EXOSC10: variants seen among roughly 807,000 people sequenced by gnomAD.
EXOSC10 encodes the protein exosome component 10.
A neutral mutation model predicts 126.6 loss-of-function variants in EXOSC10; 94 were observed. The ratio of observed to expected loss-of-function variants is 0.74; its 90% CI spans 0.63 to 0.88. The LOEUF is 0.88. EXOSC10 is among the 40% of genes least tolerant of loss of function. The pLI is 0.00. For synonymous variants in EXOSC10, 395 were observed against 400.8 expected (o/e 0.99, Z 0.17); for missense variants, 1,041 against 1,100.5 (o/e 0.95, Z 0.77).
intron 10 of EXOSC10, among the ~76,000 whole-genome samples, chr1:11,082,332 C>T (rs1640216170): frequency 6.6e-6 from 1 of 152,030 alleles, no homozygotes; most frequent in Non-Finnish European, 1.5e-5. Context: ...ATCTTGCACA[C>T]ACACACACAC....
At position 11,082,811 on chromosome 1, in the gene EXOSC10, A is replaced by T; in HGVS notation, c.1157T>A (p.Met386Lys). Residue 386 changes from methionine (M) to lysine (K), a missense_variant, in exon 10 of 25, where the codon ATG (methionine) becomes AAG (lysine). This residue lies in a region of EXOSC10 where 645 missense variants were observed against 656.3 expected (regional missense o/e 0.98). Coordinates refer to ENST00000376936, the MANE Select transcript of EXOSC10 (RefSeq NM_001001998.3). ...QKDFGLYVVN[M>K]FDTHQAARLL... ...GCGTGCTGCCTGATGAGTATCAAAC[A>T]TGTTTACTACATACAACCCAAAGTC... 1 of 1,614,232 alleles carries T rather than the reference A, an allele frequency of 6.2e-7. No individual in the cohort carries two copies. Among genetic ancestry groups the T allele is most frequent in the Non-Finnish European group, 8.5e-7 (1 of 1,180,040 alleles).
chr1:11,094,175 C>T (rs1640941888), intron 3 of EXOSC10, among the ~76,000 whole-genome samples: 2 of 152,272 alleles, frequency 1.3e-5, no homozygotes, highest in Non-Finnish European at 2.9e-5. Flanking sequence ...CAAGGTCTCA[C>T]TATGTTGCCC....
At chr1:11,095,986 A>ATT in intron 2 of EXOSC10, 105 bp from the exon 3 acceptor site, 1 of 1,229,888 alleles carries the variant, frequency 8.1e-7, no homozygotes, top group Non-Finnish European at 1.1e-6. Flanking sequence ...TTCCCAACAC[A>ATT]TCTTTTTTTT....
At position 11,068,079 on chromosome 1, in the gene EXOSC10, G is replaced by T; in HGVS notation, c.2556C>A (p.Cys852Ter). 2.5e-6 allele frequency: 4 copies of T among 1,613,986 alleles called. No individual in the cohort carries two copies. The highest frequency in any genetic ancestry group is 3.4e-6 in the Non-Finnish European group (4 of 1,179,908). The part of the protein sequence containing the change: ...PNKQTPSGKK[C>*]IAAKKIKQSV... ...ACTGTTTAATTTTTTTGGCTGCAAT[G>T]CATTTCTGAAAAGAAAAGAAACCGT... Residue 852 changes from cysteine to a stop codon, truncating the protein, a stop_gained, in exon 24 of 25, where the codon TGC becomes TGA. Transcript: ENST00000376936. LOFTEE classifies it high-confidence loss of function.
chr1:11,098,322 T>C (rs1445389842), intron 1 of EXOSC10, among the ~76,000 whole-genome samples, 166 bp from the exon 2 acceptor site: 1 of 152,212 alleles, frequency 6.6e-6, no homozygotes, highest in Non-Finnish European at 1.5e-5. Context: ...AATACAATAC[T>C]GAACAGGAAA....
At chr1:11,091,224 G>T in intron 4 of EXOSC10, 45 bp from the exon 5 acceptor site, 2 of 1,544,892 alleles carry the variant, frequency 1.3e-6, no homozygotes, top group South Asian at 1.2e-5. Context: ...GCAACTTGAT[G>T]AATTAGAAAA....
At chr1:11,084,595 G>A (rs1640384904) in intron 9 of EXOSC10, among the ~76,000 whole-genome samples, 1 of 152,198 alleles carries the variant, frequency 6.6e-6, no homozygotes, top group South Asian at 2.1e-4. Context: ...TCTGATGGTA[G>A]TTTCTTTTGC....
intron 6 of EXOSC10, among the ~76,000 whole-genome samples, chr1:11,088,756 T>A (rs1640636981): frequency 6.6e-6 from 1 of 152,222 alleles, no homozygotes; most frequent in South Asian, 2.1e-4. Flanking sequence ...GCTAAAGGCA[T>A]GAATGCCCAG....
In EXOSC10 at chr1:11,088,216, A is replaced by T. The variant is rs1329834151; in HGVS notation, c.759-18T>A. On this transcript the variant is annotated intron_variant, in intron 6 of 24. Coordinates refer to ENST00000376936, the MANE Select transcript of EXOSC10 (RefSeq NM_001001998.3). ...GTGCAAACCTGAGTAAATAAAACAAAAAGAGAAATCATTCTGATTAATTCC... is the reference window on the plus strand; with the variant it reads ...GTGCAAACCTGAGTAAATAAAACAATAAGAGAAATCATTCTGATTAATTCC... 6.4e-7 allele frequency: 1 copy of T among 1,574,136 alleles called. No individual in the cohort carries two copies. The highest frequency in any genetic ancestry group is 1.1e-5 in the South Asian group (1 of 87,936).
In EXOSC10 at chr1:11,082,731, C is replaced by T. The variant is rs369723144; in HGVS notation, c.1237G>A (p.Val413Met). The change falls in exon 10 of 25, where the codon GTG (valine) becomes ATG (methionine). Residue 413 changes from valine to methionine, a missense_variant. Around this residue, in one of 3 missense-constraint regions of EXOSC10, gnomAD observed 645 missense variants for 656.3 expected, o/e 0.98. Coordinates refer to ENST00000376936, the MANE Select transcript of EXOSC10 (RefSeq NM_001001998.3). ...LDHLLKLYCN[V>M]DSNKQYQLAD... is the part of the protein sequence containing the mutation. Reference sequence around the variant, plus strand: ...AGCTGATATTGCTTGTTTGAGTCCACGTTGCAGTAGAGTTTCAGGAGATGA... The same window carrying T: ...AGCTGATATTGCTTGTTTGAGTCCATGTTGCAGTAGAGTTTCAGGAGATGA... 60 of 1,614,184 alleles carry T rather than the reference C, an allele frequency of 3.7e-5. No individual in the cohort carries two copies. In the South Asian group the frequency reaches 4.6e-4, roughly 12 times the overall value.
rs766222688 is a variant in EXOSC10 at position 11,099,810 on chromosome 1, C to G, written c.22G>C (p.Glu8Gln). 17 of 1,610,744 alleles carry G rather than the reference C, an allele frequency of 1.1e-5. No homozygotes were observed. Among genetic ancestry groups the G allele is most frequent in the East Asian group, 2.3e-5 (1 of 44,346 alleles). Residue 8 changes from glutamate (E) to glutamine (Q), a missense_variant, in exon 1 of 25, where the codon GAG becomes CAG. By Grantham distance (29) the Glu-to-Gln change is conservative. This residue lies in a region of EXOSC10 where 645 missense variants were observed against 656.3 expected (regional missense o/e 0.98). Coordinates refer to ENST00000376936, the MANE Select transcript of EXOSC10 (RefSeq NM_001001998.3). The stretch of plus-strand genomic sequence containing the variant: ...CTGGTCGCCGACAGGACCCTGGGCT[C>G]CCGGGTACTGGGTGGCGCCATTTTT... MAPPSTR[E>Q]PRVLSATSAT...
intron 20 of EXOSC10, 74 bp from the exon 21 acceptor site, chr1:11,071,047 C>T (rs1011030388): frequency 6.4e-5 from 91 of 1,413,484 alleles, no homozygotes; most frequent in African/African-American, 6.1e-4. Context: ...CATCCCCCTC[C>T]GACTTGGCCT....
intron 19 of EXOSC10, chr1:11,072,905 A>C (rs975607914): frequency 1.3e-5 from 2 of 152,232 alleles, no homozygotes; most frequent in African/African-American, 4.8e-5. Flanking sequence ...AAGAGGGTCT[A>C]GGGGAGGTGT....
In EXOSC10 at chr1:11,087,755, C is replaced by G. The variant is rs1331203785; in HGVS notation, c.945+45G>C. On this transcript the variant is annotated intron_variant, in intron 8 of 24. Transcript: ENST00000376936. ...TTTATACTTCTCCAACAGGTGAACT[C>G]ACAGAAAAATGTAAAAATTTTACCC... 3.3e-6 allele frequency: 5 copies of G among 1,532,588 alleles called. No individual in the cohort carries two copies. In the African/African-American group the frequency reaches 6.9e-5, roughly 21 times the overall value. The allele number at this position is 1,532,588 out of a possible 1,614,324, so 94.9% of individuals were successfully genotyped here. A position where few individuals can be genotyped will look rare whatever the true frequency, so the allele number is the denominator to read the frequency against.
intron 10 of EXOSC10, among the ~76,000 whole-genome samples, chr1:11,082,037 G>A (rs1205226614): frequency 2.0e-5 from 3 of 150,312 alleles, no homozygotes; most frequent in Non-Finnish European, 4.4e-5. Context: ...AGCCGAGATC[G>A]CGCCATTGCA....
chr1:11,091,960 G>A (rs1315383545), intron 3 of EXOSC10, among the ~76,000 whole-genome samples: 1 of 152,132 alleles, frequency 6.6e-6, no homozygotes, highest in East Asian at 1.9e-4. Context: ...AAAATGCTGG[G>A]ATTATAGGCG....
At chr1:11,068,772 C>G (rs1639264229) in intron 22 of EXOSC10, 66 bp from the exon 23 acceptor site, 1 of 1,309,330 alleles carries the variant, frequency 7.6e-7, no homozygotes, top group South Asian at 1.2e-5. Context: ...CACAGGCTCA[C>G]AGCGAGGCCG....
chr1:11,085,356 G>A lies in EXOSC10; in HGVS notation c.1089+2092C>T, dbSNP rs182218508. On this transcript the variant is annotated intron_variant, in intron 9 of 24. Transcript: ENST00000376936. ...AGAGGTCCTTCACGTCCCTTGTAAG[G>A]TGGATTCCTAGGTATTTCATTCTCT... 8.8e-3 allele frequency among the ~76,000 whole-genome samples: 1,344 copies of A among 152,210 alleles called. 18 individuals carry two copies. Among genetic ancestry groups the A allele is most frequent in the African/African-American group, 0.031 (1,274 of 41,512 alleles).
At chr1:11,078,635 CTCA>C (rs1363663017) in intron 14 of EXOSC10, among the ~76,000 whole-genome samples, 19 of 152,286 alleles carry the variant, frequency 1.2e-4, no homozygotes, top group African/African-American at 4.3e-4. Flanking sequence ...GCTACGAAGT[CTCA>C]TCAATCTTTT....
Sources: gnomAD v4.1 joint callset for allele counts (sites outside exome capture counted in the v4.1 genomes callset) on GRCh38, gnomAD v4.1.1 for gene constraint, gnomAD v4.1.1 regional missense constraint, MANE v1.5 for transcripts, NCBI Gene and HGNC (gene_info 2026-07-23, HGNC 2026-07-21) for gene names.